ZNF263: variants seen among roughly 807,000 people sequenced by gnomAD.
ZNF263 encodes the protein zinc finger protein FPM315.
A neutral mutation model predicts 63.1 loss-of-function variants in ZNF263; 49 were observed. That is an observed-to-expected ratio of 0.78 (90% CI 0.62 to 0.99). The LOEUF is 0.99. Among genes scored for constraint, ZNF263 ranks in the 50% least tolerant of loss-of-function variants. The pLI, the probability that ZNF263 is intolerant of heterozygous loss-of-function variation, is 0.00. For missense variants in ZNF263, 872 were observed against 854.8 expected (o/e 1.02, Z -0.25); for synonymous variants, 352 against 324.2 (o/e 1.09, Z -0.92).
chr16:3,300,093 T>C (rs1403738066), intron 2 of ZNF263: 1 of 1,614,226 alleles, frequency 6.2e-7, no homozygotes, highest in Non-Finnish European at 8.5e-7. Context: ...CCCCACTGTA[T>C]AGCTGAGCTA....
In ZNF263 at chr16:3,290,827, C is replaced by A; in HGVS notation, c.*269C>A. ...CACCCTGCCCCAGGGTGCTCCTACC[C>A]TCTTGGTCTTTTTAAAGCCAAGGTG... On this transcript the variant is annotated 3_prime_UTR_variant, in exon 6 of 6. Transcript: ENST00000219069. The A allele has an allele frequency of 1.7e-6, 2 of 1,200,102 alleles. No homozygotes were observed. The highest frequency in any genetic ancestry group is 2.1e-6 in the Non-Finnish European group (2 of 964,324). The allele number at this position is 1,200,102 out of a possible 1,614,324, so 74.3% of individuals were successfully genotyped here. A position where few individuals can be genotyped will look rare whatever the true frequency, so the allele number is the denominator to read the frequency against.
downstream of ZNF263, among the ~76,000 whole-genome samples, chr16:3,293,796 T>C (rs980594699): frequency 2.0e-5 from 3 of 152,238 alleles, no homozygotes; most frequent in African/African-American, 7.2e-5. Flanking sequence ...ACTGGAAGAA[T>C]GTTTTAAAAG....
downstream of ZNF263, chr16:3,291,545 T>C (rs920170781): frequency 1.0e-6 from 1 of 964,566 alleles, no homozygotes; most frequent in Non-Finnish European, 1.2e-6. Context: ...AGGCCCTGCT[T>C]TCTCATAGAC....
Position 3,289,765 on chromosome 16 carries a change from G to A in ZNF263, c.1259G>A (p.Arg420His), listed in dbSNP as rs149007034. The A allele has an allele frequency of 1.5e-5, 24 of 1,614,046 alleles. No homozygotes were observed. The highest frequency in any genetic ancestry group is 3.3e-5 in the South Asian group (3 of 91,084). ...ACTGAAATCTTTGGTGGGAACCCAC[G>A]TTTCCTGTCACTACACAGAGCACAC... ...DCTEIFGGNP[R>H]FLSLHRAHLG... Residue 420 changes from arginine to histidine, a missense_variant, in exon 6 of 6, where the codon CGT becomes CAT. By Grantham distance (29) the Arg-to-His change is conservative. Transcript: ENST00000219069.
chr16:3,283,922 C>G lies in ZNF263; in HGVS notation c.104C>G (p.Pro35Arg). The change falls in exon 1 of 6, where the codon CCG becomes CGG. Residue 35 changes from proline (P) to arginine (R), a missense_variant. By Grantham distance (103) the Pro-to-Arg change is moderately radical. Transcript: ENST00000219069. Reference sequence around the variant, plus strand: ...GAGCTGCCCCCACCTGACCCAGGACCGAGCCCCGAGGCCTCCCACTTGCGC... The same window carrying G: ...GAGCTGCCCCCACCTGACCCAGGACGGAGCCCCGAGGCCTCCCACTTGCGC... ...SQELPPPDPG[P>R]SPEASHLRFR... 5 of 1,613,606 alleles carry G rather than the reference C, an allele frequency of 3.1e-6. No homozygotes were observed. Among genetic ancestry groups the G allele is most frequent in the Non-Finnish European group, 4.2e-6 (5 of 1,179,982 alleles).
chr16:3,300,589 G>A lies in ZNF263; in HGVS notation c.*47-324G>A, dbSNP rs1404968675. ...CTTCATTTTCTCCTCCAAATTCAGT[G>A]TTGTATATTTCCCTCTCTTATTCAT... On this transcript the variant is annotated intron_variant, in intron 2 of 2. Transcript: ENST00000574674. 3.1e-6 allele frequency: 5 copies of A among 1,592,956 alleles called. No individual in the cohort carries two copies. The highest frequency in any genetic ancestry group is 4.3e-6 in the Non-Finnish European group (5 of 1,171,082).
At position 3,283,539 on chromosome 16, in the gene ZNF263, CG is replaced by C; in HGVS notation, c.-279del. 1 of 299,332 alleles carries C rather than the reference CG, an allele frequency of 3.3e-6. No homozygotes were observed. Among genetic ancestry groups the C allele is most frequent in the Admixed American group, 5.5e-5 (1 of 18,136 alleles). 18.5% of individuals were successfully genotyped at this position (299,332 alleles called of 1,614,324 possible). On this transcript the variant is annotated 5_prime_UTR_variant, in exon 1 of 6. Transcript: ENST00000219069. ...CGTGGGAGCAGAGGTCTGAGTCTTG[CG>C]TGGGTCCTCTATATAGGGTGAGAAG...
Position 3,283,810 on chromosome 16 carries a change from G to T in ZNF263, c.-9G>T. On this transcript the variant is annotated 5_prime_UTR_variant, in exon 1 of 6. Transcript: ENST00000219069. ...TGGTTTCGGGCTAAGGCGCTCTGGA[G>T]ACCTGACGATGGCGTCGGGCCCGGG... 6.4e-7 allele frequency: 1 copy of T among 1,554,180 alleles called. No individual in the cohort carries two copies. The highest frequency in any genetic ancestry group is 1.2e-5 in the South Asian group (1 of 84,998).
chr16:3,285,136 C>G lies in ZNF263; in HGVS notation c.465C>G (p.Ser155Arg). The change falls in exon 2 of 6, where the codon AGC becomes AGG. Residue 155 changes from serine (S) to arginine (R), a missense_variant. Transcript: ENST00000219069. ...LPLETARESP[S>R]FKLEPMETER... ...TGGAAACAGCACGAGAGTCACCGAG[C>G]TTCAAGCTGGAGCCAATGGAGACTG... 1 of 1,614,166 alleles carries G rather than the reference C, an allele frequency of 6.2e-7. No homozygotes were observed. The highest frequency in any genetic ancestry group is 8.5e-7 in the Non-Finnish European group (1 of 1,180,046).
intron 5 of ZNF263, among the ~76,000 whole-genome samples, chr16:3,288,975 C>T (rs371702455): frequency 2.6e-5 from 4 of 152,170 alleles, no homozygotes; most frequent in African/African-American, 4.8e-5. Flanking sequence ...GGTGCAGGGC[C>T]GGCCCAGCAC....
chr16:3,299,182 G>T, intron 2 of ZNF263: 2 of 1,591,532 alleles, frequency 1.3e-6, no homozygotes, highest in Non-Finnish European at 1.7e-6. Context: ...TCTTACAGCA[G>T]ATAATTTAAA....
At chr16:3,285,543 TGA>T in intron 2 of ZNF263, 136 bp from the exon 3 acceptor site, 1 of 844,730 alleles carries the variant, frequency 1.2e-6, no homozygotes, top group Non-Finnish European at 1.9e-6. Context: ...GGATATCAGC[TGA>T]TTAGGCCTCT....
At chr16:3,287,951 T>C (rs1959440357) in intron 4 of ZNF263, among the ~76,000 whole-genome samples, 1 of 150,282 alleles carries the variant, frequency 6.7e-6, no homozygotes, top group Non-Finnish European at 1.5e-5. Flanking sequence ...ACCATGAATA[T>C]TTAAAAAAAA....
rs758109552 is a variant in ZNF263, at chr16:3,289,858, G to T, written c.1352G>T (p.Arg451Leu). 1 of 1,614,180 alleles carries T rather than the reference G, an allele frequency of 6.2e-7. No individual in the cohort carries two copies. Among genetic ancestry groups the T allele is most frequent in the Non-Finnish European group, 8.5e-7 (1 of 1,180,038 alleles). The stretch of plus-strand genomic sequence containing the variant: ...TTCAGTCAGAACACCCATCTGACTC[G>T]CCACCAACGCACCCACACGGGTGAG... ...KCFSQNTHLT[R>L]HQRTHTGEKP... Residue 451 changes from arginine to leucine, a missense_variant, in exon 6 of 6, where the codon CGC becomes CTC. Transcript: ENST00000219069.
intron 2 of ZNF263, chr16:3,299,274 C>A (rs775915121): frequency 6.2e-7 from 1 of 1,610,556 alleles, no homozygotes; most frequent in South Asian, 1.1e-5. Context: ...GGAGACAACC[C>A]TTTTCTTCAT....
intron 1 of ZNF263, chr16:3,298,822 C>T (rs1310026664): frequency 2.7e-5 from 11 of 400,686 alleles, no homozygotes; most frequent in Non-Finnish European, 4.4e-5. Flanking sequence ...TTTAAAGAAA[C>T]ACAAATGTAT....
chr16:3,290,027 G>T lies in ZNF263; in HGVS notation c.1521G>T (p.Arg507=), dbSNP rs552326240. ...TTGCTCACAGTTCCAACCTCCTTCGGCACCAGAGAATTCACACTGGAGAGC... is the reference window on the plus strand; with the variant it reads ...TTGCTCACAGTTCCAACCTCCTTCGTCACCAGAGAATTCACACTGGAGAGC... ...EIFAHSSNLL[R]HQRIHTGERP... is the part of the protein sequence containing the mutation. Residue 507 remains arginine, a synonymous_variant, in exon 6 of 6, where the codon CGG becomes CGT. Transcript: ENST00000219069. The T allele has an allele frequency of 5.0e-6, 8 of 1,614,058 alleles. No homozygotes were observed. The South Asian group carries it at 8.8e-5, about 18-fold the overall frequency.
intron 1 of ZNF263, among the ~76,000 whole-genome samples, chr16:3,297,558 A>G (rs1262073648): frequency 2.3e-5 from 3 of 130,164 alleles, no homozygotes; most frequent in East Asian, 2.7e-4. Flanking sequence ...TCCGCCTCCC[A>G]GGTTCACGCC....
At chr16:3,293,010 G>A (rs1053069164), downstream of ZNF263, 24 of 152,374 alleles carry the variant, frequency 1.6e-4, no homozygotes, top group African/African-American at 5.8e-4. Context: ...AGGGACTGAT[G>A]ACATCTCCTT....
Sources: gnomAD v4.1 joint callset for allele counts (sites outside exome capture counted in the v4.1 genomes callset) on GRCh38, gnomAD v4.1.1 for gene constraint, MANE v1.5 for transcripts, NCBI Gene and HGNC (gene_info 2026-07-23, HGNC 2026-07-21) for gene names.